GP6: variants seen among roughly 807,000 people sequenced by gnomAD.
GP6 encodes the protein glycoprotein VI platelet.
In GP6, 45 loss-of-function variants were observed where a neutral mutation model predicts 37.3. The ratio of observed to expected loss-of-function variants is 1.21; its 90% CI spans 0.95 to 1.55. GP6 has a LOEUF of 1.55. Ranked by LOEUF, GP6 falls within the 40% of genes most tolerant of loss-of-function variation. GP6 has a pLI of 0.00. For missense variants in GP6, 813 were observed against 760.2 expected, an observed-to-expected ratio of 1.07 and a Z score of -0.82; for synonymous variants, 340 against 316.4, an observed-to-expected ratio of 1.07 and a Z score of -0.79.
intron 4 of GP6, among the ~76,000 whole-genome samples, chr19:55,026,038 A>G (rs1177665950): frequency 6.6e-6 from 1 of 150,660 alleles, no homozygotes; most frequent in Non-Finnish European, 1.5e-5. Flanking sequence ...AGCATTTGTA[A>G]AGCACACCTG....
rs895567791 is a variant in GP6 at position 55,035,514 on chromosome 19, C to T, written c.34+2689G>A. ...GGCGGATCACCTGAAGTCAGGAGTT[C>T]GAGAGCAGCCTGACCAACATGGTGA... On this transcript the variant is annotated intron_variant, in intron 1 of 7. Coordinates refer to ENST00000310373, the MANE Select transcript of GP6 (RefSeq NM_001083899.2). Among the ~76,000 whole-genome samples, 3 of 152,086 alleles carry T rather than the reference C, an allele frequency of 2.0e-5. No homozygotes were observed. The South Asian group carries it at 6.2e-4, about 32-fold the overall frequency.
At chr19:55,029,000 AAGAC>A (rs1263079527) in intron 3 of GP6, among the ~76,000 whole-genome samples, 10 of 151,970 alleles carry the variant, frequency 6.6e-5, no homozygotes, top group South Asian at 2.1e-4. Flanking sequence ...GTCTCAAAAA[AAGAC>A]AGAGAGAGAA....
In GP6 at chr19:55,021,520, G is replaced by GGTTTTTTTTTTTTT. The variant is rs556854980; in HGVS notation, c.665-2810_665-2809insAAAAAAAAAAAAAC. On this transcript the variant is annotated intron_variant, in intron 5 of 7. Coordinates refer to ENST00000310373, the MANE Select transcript of GP6 (RefSeq NM_001083899.2). ...ACCTGTTGTTTCTTGACTTTTGTTG[G>GGTTTTTTTTTTTTT]TTTTTTTTTTTTTTTTTTGAGATGG... 3.2e-5 allele frequency among the ~76,000 whole-genome samples: 4 copies of GGTTTTTTTTTTTTT among 126,246 alleles called. 2 individuals are homozygous for GGTTTTTTTTTTTTT. Among genetic ancestry groups the GGTTTTTTTTTTTTT allele is most frequent in the African/African-American group, 5.9e-5 (2 of 33,836 alleles). 82.8% of individuals were successfully genotyped at this position (126,246 alleles called of 152,430 possible).
Position 55,029,632 on chromosome 19 carries a change from C to T in GP6, c.326-1770G>A, listed in dbSNP as rs149116368. Among the ~76,000 whole-genome samples, 1,409 of 150,850 alleles carry T rather than the reference C, an allele frequency of 9.3e-3. 28 individuals carry two copies. The highest frequency in any genetic ancestry group is 0.033 in the African/African-American group (1,338 of 41,014). On this transcript the variant is annotated intron_variant, in intron 3 of 7. Coordinates refer to ENST00000310373, the MANE Select transcript of GP6 (RefSeq NM_001083899.2). The stretch of plus-strand genomic sequence containing the variant: ...CTCGAACTCCTGACCTCAGGTGATC[C>T]GTCCACCTCGGCCTCCCAAAGTGCT...
In GP6 at chr19:55,032,411, G is replaced by T. The variant is rs753563209; in HGVS notation, c.68-15C>A. On this transcript the variant is annotated splice_polypyrimidine_tract_variant and intron_variant, in intron 2 of 7. Transcript: ENST00000310373. ...GGGGAGCGGTCCTGGAAGAGGAGCAGGGCTGGGTCAGCCTCCCCGCAGACC... is the reference window on the plus strand; with the variant it reads ...GGGGAGCGGTCCTGGAAGAGGAGCATGGCTGGGTCAGCCTCCCCGCAGACC... 3.4e-5 allele frequency: 55 copies of T among 1,612,010 alleles called. No homozygotes were observed. The highest frequency in any genetic ancestry group is 4.2e-5 in the Non-Finnish European group (49 of 1,179,174).
chr19:55,023,601 G>C (rs181328572), intron 5 of GP6, among the ~76,000 whole-genome samples: 104 of 152,240 alleles, frequency 6.8e-4, no homozygotes, highest in African/African-American at 2.0e-3. Flanking sequence ...TAAGCTTCCT[G>C]AGGCCTCCCC....
In GP6 at chr19:55,027,743, CT is replaced by C; in HGVS notation, c.444del (p.Asp150ThrfsTer21). ...GGATTCTTGTAGGGCGCAGGGTCCC[CT>C]TCCTTGTACAGAGCAAATTGGTCAA... On this transcript the variant is annotated frameshift_variant, in exon 4 of 8. Coordinates refer to ENST00000310373, the MANE Select transcript of GP6 (RefSeq NM_001083899.2). LOFTEE classifies it high-confidence loss of function. 1.2e-6 allele frequency: 2 copies of C among 1,614,010 alleles called. No homozygotes were observed. Among genetic ancestry groups the C allele is most frequent in the Non-Finnish European group, 8.5e-7 (1 of 1,179,840 alleles).
At chr19:55,015,232 TC>T in intron 7 of GP6, 67 bp from the exon 8 acceptor site, 1 of 1,549,250 alleles carries the variant, frequency 6.5e-7, no homozygotes, top group Admixed American at 2.0e-5. Context: ...CCAAGCCACA[TC>T]TGGGCTTCTC....
chr19:55,036,022 G>A (rs549270816), intron 1 of GP6, among the ~76,000 whole-genome samples: 3 of 150,026 alleles, frequency 2.0e-5, no homozygotes, highest in Non-Finnish European at 3.0e-5. Context: ...GCAGTAAGCC[G>A]AGATCACACC....
At chr19:55,030,918 A>G (rs541229376) in intron 3 of GP6, among the ~76,000 whole-genome samples, 2 of 151,824 alleles carry the variant, frequency 1.3e-5, no homozygotes, top group African/African-American at 4.8e-5. Flanking sequence ...GCGTGATCAC[A>G]GCTCCCTGCA....
chr19:55,015,136 T>G lies in GP6; in HGVS notation c.809A>C (p.Gln270Pro), dbSNP rs1345735658. The G allele has an allele frequency of 6.4e-7, 1 of 1,573,428 alleles. No homozygotes were observed. The highest frequency in any genetic ancestry group is 1.9e-5 in the Admixed American group (1 of 53,344). ...GCCCCGAGGCATATCCGGACCAGGT[T>G]GCCCTTGGTGTAGTACTGGCGGGCA... The change falls in exon 8 of 8, where the codon CAA becomes CCA. Residue 270 changes from glutamine to proline, a missense_variant. Physicochemically the swap from Gln to Pro is moderately conservative, Grantham distance 76. Coordinates refer to ENST00000310373, the MANE Select transcript of GP6 (RefSeq NM_001083899.2).
chr19:55,018,988 G>A (rs887893077), intron 5 of GP6, among the ~76,000 whole-genome samples: 1 of 152,086 alleles, frequency 6.6e-6, no homozygotes, highest in South Asian at 2.1e-4. Flanking sequence ...ACAGGTTTTT[G>A]TGTGAACATA....
intron 5 of GP6, among the ~76,000 whole-genome samples, chr19:55,021,432 A>G (rs1027321038): frequency 1.3e-5 from 2 of 151,598 alleles, no homozygotes; most frequent in African/African-American, 2.4e-5. Context: ...TGTCTTCCAC[A>G]ATGAACTAAT....
At position 55,015,181 on chromosome 19, in the gene GP6, G is replaced by C. The variant is rs1017816614; in HGVS notation, c.780-16C>G. 9.0e-6 allele frequency: 14 copies of C among 1,552,580 alleles called. No homozygotes were observed. Among genetic ancestry groups the C allele is most frequent in the African/African-American group, 1.4e-5 (1 of 73,180 alleles). Reference sequence around the variant, plus strand: ...CGGGCAGGACCTGGAGGAATGAGGAGAGGCAGGAGCAGGTGAAAGAGCCCA... The same window carrying C: ...CGGGCAGGACCTGGAGGAATGAGGACAGGCAGGAGCAGGTGAAAGAGCCCA... On this transcript the variant is annotated splice_polypyrimidine_tract_variant and intron_variant, in intron 7 of 7. Coordinates refer to ENST00000310373, the MANE Select transcript of GP6 (RefSeq NM_001083899.2).
At chr19:55,023,110 C>T (rs2074141570) in intron 5 of GP6, among the ~76,000 whole-genome samples, 1 of 152,098 alleles carries the variant, frequency 6.6e-6, no homozygotes, top group Non-Finnish European at 1.5e-5. Context: ...GACTATATTA[C>T]AAGGTGATAG....
chr19:55,022,684 C>T (rs1046387009), intron 5 of GP6, among the ~76,000 whole-genome samples: 3 of 152,152 alleles, frequency 2.0e-5, no homozygotes, highest in Non-Finnish European at 4.4e-5. Flanking sequence ...AATCAATGTG[C>T]AAAAATCACA....
intron 1 of GP6, among the ~76,000 whole-genome samples, chr19:55,034,087 T>C (rs545996005): frequency 5.9e-4 from 90 of 151,440 alleles, no homozygotes; most frequent in Admixed American, 3.2e-3. Flanking sequence ...CATACATGTG[T>C]ATGTACATAT....
rs778314910 is a variant in GP6, at chr19:55,027,598, G to C, written c.590C>G (p.Pro197Arg). 62 of 1,613,276 alleles carry C rather than the reference G, an allele frequency of 3.8e-5. No homozygotes were observed. Among genetic ancestry groups the C allele is most frequent in the Non-Finnish European group, 4.8e-5 (57 of 1,179,436 alleles). ...CCTACCTGTGACCACAAGCTCCAGG[G>C]GGTCGCTGGGGGCTGACCACAGGTA... Residue 197 changes from proline to arginine, a missense_variant, in exon 4 of 8, where the codon CCC becomes CGC. Coordinates refer to ENST00000310373, the MANE Select transcript of GP6 (RefSeq NM_001083899.2).
At position 55,014,971 on chromosome 19, in the gene GP6, C is replaced by T. The variant is rs1394760885; in HGVS notation, c.974G>A (p.Gly325Glu). ...ACATCCTGTCGGCCTCCATCCTGAC[C>T]CCCGTTTGATTTCCGGGTCAGCGGG... The change falls in exon 8 of 8, where the codon GGG (glycine) becomes GAG (glutamate). Residue 325 changes from glycine (G) to glutamate (E), a missense_variant. By Grantham distance (98) the Gly-to-Glu change is moderately conservative. Transcript: ENST00000310373. 3 of 1,613,644 alleles carry T rather than the reference C, an allele frequency of 1.9e-6. No individual in the cohort carries two copies. The highest frequency in any genetic ancestry group is 1.7e-6 in the Non-Finnish European group (2 of 1,179,878).
Sources: allele counts gnomAD v4.1 joint callset (sites outside exome capture counted in the v4.1 genomes callset), GRCh38; gene constraint gnomAD v4.1.1; transcripts MANE v1.5; gene names NCBI Gene and HGNC (gene_info 2026-07-23, HGNC 2026-07-21).